The following MRPL13 variants were observed in gnomAD, a reference collection of about 807,000 sequenced individuals.
The protein encoded by MRPL13 is mitochondrial ribosomal protein L13.
In MRPL13, 33 loss-of-function variants were observed where a neutral mutation model predicts 29.0. The ratio of observed to expected loss-of-function variants is 1.14; its 90% CI spans 0.86 to 1.52. The LOEUF (loss-of-function observed/expected upper bound fraction) is 1.52. MRPL13 is among the 40% of genes most tolerant of loss of function. The pLI is 0.00. For synonymous variants in MRPL13, 77 were observed against 68.4 expected (o/e 1.13, Z -0.62); for missense variants, 227 against 216.7 (o/e 1.05, Z -0.30).
rs543396509 is a variant in MRPL13 at position 120,430,060 on chromosome 8, G to A, written c.245+1970C>T. Among the ~76,000 whole-genome samples the A allele has an allele frequency of 7.9e-5, 12 of 152,164 alleles. No homozygotes were observed. The South Asian group carries it at 1.0e-3, about 13-fold the overall frequency. On this transcript the variant is annotated intron_variant, in intron 3 of 6. Transcript: ENST00000306185. ...GCAGATCACCTGATGTCAGGAGTTC[G>A]AGACCAGTCTGGCCAACATGGAGAA...
chr8:120,441,816 T>C (rs1813127780), intron 2 of MRPL13, among the ~76,000 whole-genome samples: 1 of 152,204 alleles, frequency 6.6e-6, no homozygotes. Flanking sequence ...ATAGAGAGTA[T>C]CTTTATTTTT....
chr8:120,422,138 A>G (rs1812880310), intron 4 of MRPL13, among the ~76,000 whole-genome samples: 1 of 151,810 alleles, frequency 6.6e-6, no homozygotes, highest in Admixed American at 6.6e-5. Context: ...AGGTCTTATT[A>G]TAATAAAATA....
At chr8:120,424,473 AACAG>A (rs1177718217) in intron 4 of MRPL13, among the ~76,000 whole-genome samples, 1 of 152,052 alleles carries the variant, frequency 6.6e-6, no homozygotes, top group African/African-American at 2.4e-5. Flanking sequence ...ATAAATTAAA[AACAG>A]AGTAAAGTCT....
chr8:120,430,862 C>T (rs1812988775), intron 3 of MRPL13, among the ~76,000 whole-genome samples: 1 of 152,156 alleles, frequency 6.6e-6, no homozygotes, highest in Admixed American at 6.5e-5. Context: ...AGTAATACTA[C>T]ATATTATTGC....
At chr8:120,420,064 C>T in intron 4 of MRPL13, 126 bp from the exon 5 acceptor site, 1 of 492,110 alleles carries the variant, frequency 2.0e-6, no homozygotes, top group Non-Finnish European at 3.3e-6. Flanking sequence ...AAGAAATAGA[C>T]CTAAGTGGAT....
At position 120,432,104 on chromosome 8, in the gene MRPL13, A is replaced by C; in HGVS notation, c.171T>G (p.Val57=). ...CAATGTGTCTTGTGTTCATTATAAC[A>C]ACATGATCCCCACAGTCACCTACAT... is the stretch of plus-strand genomic sequence containing the variant. ...YHALSDCGDH[V]VIMNTRHIAF... Residue 57 remains valine, a synonymous_variant, in exon 3 of 7, where the codon GTT becomes GTG. Coordinates refer to ENST00000306185, the MANE Select transcript of MRPL13 (RefSeq NM_014078.6). 1 of 1,602,300 alleles carries C rather than the reference A, an allele frequency of 6.2e-7. No homozygotes were observed. The highest frequency in any genetic ancestry group is 8.5e-7 in the Non-Finnish European group (1 of 1,175,148).
intron 2 of MRPL13, among the ~76,000 whole-genome samples, chr8:120,437,271 G>A (rs1261162402): frequency 6.6e-6 from 1 of 152,094 alleles, no homozygotes; most frequent in Non-Finnish European, 1.5e-5. Context: ...AAACTTACAA[G>A]GCAGAATACT....
intron 6 of MRPL13, among the ~76,000 whole-genome samples, chr8:120,409,406 C>T (rs1189241470): frequency 6.6e-6 from 1 of 152,138 alleles, no homozygotes; most frequent in Non-Finnish European, 1.5e-5. Context: ...TTACAATGAG[C>T]ATGATTAATT....
intron 4 of MRPL13, among the ~76,000 whole-genome samples, chr8:120,424,448 C>T (rs952031663): frequency 6.6e-5 from 10 of 152,062 alleles, no homozygotes; most frequent in South Asian, 2.1e-4. Context: ...ATAGCAAGAT[C>T]CTGTCTTTAA....
Position 120,445,126 on chromosome 8 carries a change from T to G in MRPL13, c.-32A>C, listed in dbSNP as rs1813191787. ...CTACTAGCAGGACCGTACGTCCTTC[T>G]CCTAGTAGCCACGCCGGGTCACTCA... is the stretch of plus-strand genomic sequence containing the variant. On this transcript the variant is annotated 5_prime_UTR_variant, in exon 1 of 7. Transcript: ENST00000306185. 1.2e-6 allele frequency: 2 copies of G among 1,613,660 alleles called. No homozygotes were observed. Among genetic ancestry groups the G allele is most frequent in the Non-Finnish European group, 1.7e-6 (2 of 1,179,888 alleles).
At chr8:120,407,921 C>T (rs930132121) in intron 6 of MRPL13, among the ~76,000 whole-genome samples, 1 of 152,042 alleles carries the variant, frequency 6.6e-6, no homozygotes. Flanking sequence ...GGATGGTGAA[C>T]TAATCTTAAA....
intron 2 of MRPL13, among the ~76,000 whole-genome samples, chr8:120,440,610 A>AAC (rs1813108742): frequency 6.6e-6 from 1 of 151,116 alleles, no homozygotes; most frequent in Admixed American, 6.6e-5. Context: ...CTCTCTCTCA[A>AAC]AAAAAAAAAA....
chr8:120,405,523 T>C (rs1812656435), intron 6 of MRPL13, among the ~76,000 whole-genome samples: 1 of 152,224 alleles, frequency 6.6e-6, no homozygotes, highest in Admixed American at 6.5e-5. Context: ...CTAATTAGCA[T>C]GGGTTCCCCT....
chr8:120,432,053 T>C lies in MRPL13; in HGVS notation c.222A>G (p.Gln74=). The change falls in exon 3 of 7, where the codon CAA becomes CAG. Residue 74 remains glutamine (Q), a synonymous_variant. Coordinates refer to ENST00000306185, the MANE Select transcript of MRPL13 (RefSeq NM_014078.6). The stretch of plus-strand genomic sequence containing the variant: ...ACCCAGTATGCGAAGAGTATACTTT[T>C]TGTTCCCATTTGTTTCCAGAAAATG... ...HIAFSGNKWE[Q]KVYSSHTGYP... The C allele has an allele frequency of 6.2e-7, 1 of 1,608,694 alleles. No homozygotes were observed. The highest frequency in any genetic ancestry group is 8.5e-7 in the Non-Finnish European group (1 of 1,177,258).
intron 2 of MRPL13, among the ~76,000 whole-genome samples, chr8:120,434,714 C>T (rs989918805): frequency 1.3e-5 from 2 of 152,206 alleles, no homozygotes; most frequent in Non-Finnish European, 2.9e-5. Context: ...CATGTACCAG[C>T]TCCTTGATTA....
chr8:120,411,362 C>T (rs1306615158), intron 6 of MRPL13, among the ~76,000 whole-genome samples: 1 of 152,198 alleles, frequency 6.6e-6, no homozygotes, highest in East Asian at 1.9e-4. Flanking sequence ...GCCACCATGC[C>T]TGGCTGAGAG....
intron 1 of MRPL13, 26 bp from the exon 2 acceptor site, chr8:120,443,334 A>G (rs1462162099): frequency 6.3e-6 from 9 of 1,430,816 alleles, no homozygotes; most frequent in Non-Finnish European, 8.5e-6. Context: ...AAAAAAAAAG[A>G]AGAGGAAAAA....
chr8:120,414,007 G>A lies in MRPL13; in HGVS notation c.499C>T (p.Pro167Ser). 1 of 1,558,872 alleles carries A rather than the reference G, an allele frequency of 6.4e-7. No homozygotes were observed. Among genetic ancestry groups the A allele is most frequent in the Non-Finnish European group, 8.6e-7 (1 of 1,158,968 alleles). Residue 167 changes from proline to serine, a missense_variant, in exon 6 of 7, where the codon CCA (proline) becomes TCA (serine). Pro to Ser is a moderately conservative substitution (Grantham distance 74, BLOSUM62 -1). Transcript: ENST00000306185. ...EYTQEEIDAF[P>S]RLWTPPEDYR... is the part of the protein sequence containing the mutation. ...AACACTTACGGAGTCCACAATCTTG[G>A]GAAGGCGTCTATTTCTTCTTGTGTG...
chr8:120,413,403 G>A (rs370988628), intron 6 of MRPL13, among the ~76,000 whole-genome samples: 5 of 151,958 alleles, frequency 3.3e-5, no homozygotes, highest in Admixed American at 1.3e-4. Flanking sequence ...AGCCTAACCC[G>A]GTTCAAAGAT....
Sources: allele counts gnomAD v4.1 joint callset (sites outside exome capture counted in the v4.1 genomes callset), GRCh38; gene constraint gnomAD v4.1.1; transcripts MANE v1.5; gene names NCBI Gene and HGNC (gene_info 2026-07-23, HGNC 2026-07-21).